Variants in CDKL1 observed in about 807,000 individuals in gnomAD.
The protein encoded by CDKL1 is cyclin dependent kinase like 1.
Under a neutral mutation model 42.0 loss-of-function variants are expected in CDKL1, and 41 were observed. That is an observed-to-expected ratio of 0.98 (90% CI 0.76 to 1.27). The LOEUF is 1.27. Among genes scored for constraint, CDKL1 ranks in the 50% most tolerant of loss-of-function variants. The probability of loss-of-function intolerance (pLI) is 0.00; values close to 1 mark genes in which losing one functional copy is unlikely to be tolerated. For synonymous variants in CDKL1, 153 were observed against 158.6 expected, an observed-to-expected ratio of 0.96 and a Z score of 0.26; for missense variants, 394 against 428.4, an observed-to-expected ratio of 0.92 and a Z score of 0.71.
chr14:50,355,783 C>A (rs546004942), intron 3 of CDKL1, among the ~76,000 whole-genome samples: 45 of 152,306 alleles, frequency 3.0e-4, no homozygotes, highest in Admixed American at 2.7e-3. Flanking sequence ...GGAAGGACAG[C>A]AGGAGTCTTC....
chr14:50,348,749 A>G (rs1180622910), intron 3 of CDKL1, among the ~76,000 whole-genome samples: 1 of 152,238 alleles, frequency 6.6e-6, no homozygotes, highest in Non-Finnish European at 1.5e-5. Context: ...TGCCCAAGAA[A>G]AGCCTCTAAT....
At chr14:50,342,467 C>T (rs2033581037) in intron 4 of CDKL1, 2 of 1,264,798 alleles carry the variant, frequency 1.6e-6, no homozygotes, top group Admixed American at 3.5e-5. Flanking sequence ...GTAGGGTAGC[C>T]GGTCTTAGCA....
chr14:50,392,121 C>T (rs1361984057), intron 2 of CDKL1, among the ~76,000 whole-genome samples: 6 of 152,218 alleles, frequency 3.9e-5, no homozygotes, highest in Non-Finnish European at 7.3e-5. Context: ...AGCATCCCCT[C>T]ACTTTTGAAC....
At chr14:50,390,752 T>A (rs989861078) in intron 2 of CDKL1, among the ~76,000 whole-genome samples, 53 of 152,248 alleles carry the variant, frequency 3.5e-4, no homozygotes, top group Admixed American at 1.2e-3. Context: ...GGAGTTCAAG[T>A]GCATCCAACT....
At chr14:50,361,486 C>T (rs558867731) in intron 2 of CDKL1, among the ~76,000 whole-genome samples, 6 of 152,310 alleles carry the variant, frequency 3.9e-5, no homozygotes, top group Non-Finnish European at 8.8e-5. Flanking sequence ...GTTCCGCATG[C>T]TGGGAAATCC....
intron 2 of CDKL1, among the ~76,000 whole-genome samples, chr14:50,391,858 C>T (rs573640945): frequency 6.6e-6 from 1 of 151,986 alleles, no homozygotes; most frequent in South Asian, 2.1e-4. Context: ...AAAACAACCA[C>T]AAAAAAAACC....
chr14:50,367,228 C>T (rs1424949245), intron 2 of CDKL1, among the ~76,000 whole-genome samples: 1 of 152,194 alleles, frequency 6.6e-6, no homozygotes, highest in Admixed American at 6.5e-5. Flanking sequence ...GCTGAAAGGT[C>T]AGATGGAAAC....
chr14:50,370,853 G>C (rs986816370), intron 2 of CDKL1, among the ~76,000 whole-genome samples: 1 of 152,152 alleles, frequency 6.6e-6, no homozygotes, highest in Non-Finnish European at 1.5e-5. Flanking sequence ...AGTAATGAGG[G>C]ATCTGCCCCC....
intron 4 of CDKL1, 72 bp from the exon 5 acceptor site, chr14:50,342,294 A>G: frequency 6.6e-7 from 1 of 1,517,028 alleles, no homozygotes; most frequent in Non-Finnish European, 9.1e-7. Flanking sequence ...ACACATGACT[A>G]TTTAGCAAAT....
chr14:50,385,803 CAAA>C (rs4027866), intron 2 of CDKL1, among the ~76,000 whole-genome samples: 127 of 77,548 alleles, frequency 1.6e-3, no homozygotes, highest in African/African-American at 4.5e-3. Flanking sequence ...GACTCCGTCC[CAAA>C]AAAAAAAAAA....
intron 5 of CDKL1, among the ~76,000 whole-genome samples, chr14:50,341,529 A>T (rs1298469097): frequency 2.0e-5 from 3 of 147,746 alleles, no homozygotes; most frequent in African/African-American, 7.5e-5. Context: ...TTGTAATCCC[A>T]GCACTTTGGG....
intron 3 of CDKL1, among the ~76,000 whole-genome samples, chr14:50,347,256 A>G (rs527841563): frequency 2.0e-5 from 3 of 152,168 alleles, no homozygotes; most frequent in South Asian, 4.1e-4. Context: ...TCATAATAAG[A>G]GGGGCCAGTT....
chr14:50,331,758 G>T, intron 9 of CDKL1: 1 of 439,586 alleles, frequency 2.3e-6, no homozygotes, highest in Non-Finnish European at 4.0e-6. Flanking sequence ...TGTGCAGTTT[G>T]GATGCTGTTC....
chr14:50,388,156 T>G (rs887683536), intron 2 of CDKL1, among the ~76,000 whole-genome samples: 2 of 152,222 alleles, frequency 1.3e-5, no homozygotes, highest in Non-Finnish European at 2.9e-5. Context: ...TCCAAAGTGC[T>G]GGGATCACAG....
At chr14:50,363,080 G>A (rs1323012413) in intron 2 of CDKL1, 4 of 364,954 alleles carry the variant, frequency 1.1e-5, no homozygotes, top group South Asian at 6.0e-5. Context: ...CTTAAGAGCT[G>A]TAACACTCAC....
At chr14:50,335,828 T>C in intron 7 of CDKL1, 1 of 985,208 alleles carries the variant, frequency 1.0e-6, no homozygotes. Flanking sequence ...GGCAACCAGC[T>C]CCCAATAACC....
intron 2 of CDKL1, among the ~76,000 whole-genome samples, chr14:50,366,429 G>A (rs1385547685): frequency 2.6e-5 from 4 of 152,160 alleles, no homozygotes; most frequent in Non-Finnish European, 2.9e-5. Context: ...GGTGAAGCTC[G>A]TGGAATCAAG....
At chr14:50,344,087 C>G (rs2033645341) in intron 4 of CDKL1, among the ~76,000 whole-genome samples, 1 of 152,224 alleles carries the variant, frequency 6.6e-6, no homozygotes, top group Admixed American at 6.5e-5. Context: ...GGTTTCTATG[C>G]ACAGTGGGCA....
chr14:50,332,880 C>T (rs11570872), intron 8 of CDKL1: 14 of 440,406 alleles, frequency 3.2e-5, no homozygotes, highest in Non-Finnish European at 5.1e-5. Flanking sequence ...TAGGTGTTCC[C>T]TTCACCCTTC....
Sources: allele counts gnomAD v4.1 joint callset (sites outside exome capture counted in the v4.1 genomes callset), GRCh38; gene constraint gnomAD v4.1.1; transcripts MANE v1.5; gene names NCBI Gene and HGNC (gene_info 2026-07-23, HGNC 2026-07-21).